The following LHFPL6 variants were observed in gnomAD, a reference collection of about 807,000 sequenced individuals.
LHFPL6 encodes LHFPL tetraspan subfamily member 6, also known as LHFPL tetraspan subfamily member 6 protein.
Under a neutral mutation model 20.6 loss-of-function variants are expected in LHFPL6, and 9 were observed. The observed-to-expected ratio is 0.44, with a 90% CI of 0.26 to 0.76. The LOEUF is 0.76. Ranked by LOEUF, LHFPL6 falls within the 30% of genes least tolerant of loss-of-function variation. The pLI, the probability that LHFPL6 is intolerant of heterozygous loss-of-function variation, is 0.20. For synonymous variants in LHFPL6, 105 were observed against 98.7 expected (o/e 1.06, Z -0.38); for missense variants, 218 against 253.5 (o/e 0.86, Z 0.95).
chr13:39,356,842 T>C (rs560613847), intron 3 of LHFPL6, among the ~76,000 whole-genome samples: 1 of 152,302 alleles, frequency 6.6e-6, no homozygotes, highest in South Asian at 2.1e-4. Flanking sequence ...AACAGACCAA[T>C]AATGAGTTCT....
chr13:39,540,161 G>T (rs1291143168), intron 2 of LHFPL6, among the ~76,000 whole-genome samples: 1 of 152,000 alleles, frequency 6.6e-6, no homozygotes, highest in Non-Finnish European at 1.5e-5. Context: ...AAGTTTCAAG[G>T]TCATAAAAGC....
chr13:39,361,111 G>A (rs1869857557), intron 3 of LHFPL6, among the ~76,000 whole-genome samples: 1 of 96,506 alleles, frequency 1.0e-5, no homozygotes, highest in Admixed American at 1.2e-4. Context: ...ACCAGTAGCT[G>A]GACTTGACAC....
At chr13:39,466,805 T>C (rs973822973) in intron 2 of LHFPL6, among the ~76,000 whole-genome samples, 1 of 152,230 alleles carries the variant, frequency 6.6e-6, no homozygotes, top group African/African-American at 2.4e-5. Context: ...GCATTTACCA[T>C]AAAATGACAC....
chr13:39,588,041 C>T (rs1013023321), intron 2 of LHFPL6, among the ~76,000 whole-genome samples: 2 of 152,170 alleles, frequency 1.3e-5, no homozygotes, highest in African/African-American at 2.4e-5. Context: ...TTCCAGGAAA[C>T]GTAGTCCTTG....
chr13:39,493,022 C>T (rs1868980170), intron 2 of LHFPL6, among the ~76,000 whole-genome samples: 1 of 151,946 alleles, frequency 6.6e-6, no homozygotes, highest in Non-Finnish European at 1.5e-5. Flanking sequence ...TATAATGTTC[C>T]ATCATGTGAA....
intron 2 of LHFPL6, among the ~76,000 whole-genome samples, chr13:39,526,804 C>T (rs750669411): frequency 2.6e-5 from 4 of 152,182 alleles, no homozygotes; most frequent in Admixed American, 6.5e-5. Flanking sequence ...TCTGTAATTT[C>T]GAAGGCTTTA....
intron 2 of LHFPL6, among the ~76,000 whole-genome samples, chr13:39,453,172 T>A (rs1038589884): frequency 6.6e-6 from 1 of 152,202 alleles, no homozygotes; most frequent in Non-Finnish European, 1.5e-5. Flanking sequence ...TTGCCCCTAA[T>A]AGAATACATT....
intron 2 of LHFPL6, among the ~76,000 whole-genome samples, chr13:39,412,187 C>T (rs1871252885): frequency 2.0e-5 from 3 of 152,190 alleles, no homozygotes; most frequent in Admixed American, 2.0e-4. Context: ...AATCAGGAGA[C>T]TATCGATACT....
chr13:39,601,794 T>C (rs1872957659), intron 1 of LHFPL6, among the ~76,000 whole-genome samples: 1 of 152,228 alleles, frequency 6.6e-6, no homozygotes, highest in African/African-American at 2.4e-5. Flanking sequence ...TGCTCATAGT[T>C]TGTTGCAACT....
At chr13:39,466,213 T>C (rs1296043695) in intron 2 of LHFPL6, among the ~76,000 whole-genome samples, 1 of 152,164 alleles carries the variant, frequency 6.6e-6, no homozygotes, top group Non-Finnish European at 1.5e-5. Flanking sequence ...GTTTGTTTGT[T>C]TGATTGATTT....
At chr13:39,578,180 C>T (rs2138536815) in intron 2 of LHFPL6, among the ~76,000 whole-genome samples, 1 of 152,204 alleles carries the variant, frequency 6.6e-6, no homozygotes, top group Admixed American at 6.5e-5. Flanking sequence ...AGGAAAAGAG[C>T]AACCAAGTTA....
chr13:39,434,005 T>C (rs1871885798), intron 2 of LHFPL6, among the ~76,000 whole-genome samples: 1 of 152,194 alleles, frequency 6.6e-6, no homozygotes, highest in Non-Finnish European at 1.5e-5. Flanking sequence ...TTGATGACTC[T>C]TACAGACTCT....
At chr13:39,362,903 G>T (rs1869914986) in intron 3 of LHFPL6, among the ~76,000 whole-genome samples, 1 of 152,222 alleles carries the variant, frequency 6.6e-6, no homozygotes, top group Admixed American at 6.5e-5. Context: ...AGTGGGGAAG[G>T]AACAGAGTGT....
intron 2 of LHFPL6, among the ~76,000 whole-genome samples, chr13:39,578,607 A>G (rs1008926969): frequency 1.3e-5 from 2 of 152,140 alleles, no homozygotes; most frequent in African/African-American, 4.8e-5. Context: ...ATGAACCCCA[A>G]ATCAGTATCT....
intron 2 of LHFPL6, among the ~76,000 whole-genome samples, chr13:39,519,052 A>G (rs1870020016): frequency 6.6e-6 from 1 of 152,194 alleles, no homozygotes; most frequent in Non-Finnish European, 1.5e-5. Flanking sequence ...CCTGGCCAGC[A>G]TGGCAAAACC....
chr13:39,416,754 T>C (rs1300240472), intron 2 of LHFPL6, among the ~76,000 whole-genome samples: 1 of 152,224 alleles, frequency 6.6e-6, no homozygotes, highest in Non-Finnish European at 1.5e-5. Context: ...TAAACATTTA[T>C]AATTCTGATG....
chr13:39,550,437 G>A (rs73466860), intron 2 of LHFPL6, among the ~76,000 whole-genome samples: 2,630 of 152,136 alleles, frequency 0.017, 86 homozygotes, highest in African/African-American at 0.061. Context: ...TTAAATATCT[G>A]TATACACATT....
chr13:39,550,743 A>T (rs1012161087), intron 2 of LHFPL6, among the ~76,000 whole-genome samples: 2 of 152,176 alleles, frequency 1.3e-5, no homozygotes, highest in Admixed American at 1.3e-4. Flanking sequence ...TTCAGTTTAC[A>T]TACGCTTATT....
chr13:39,354,922 C>T (rs1237192941), intron 3 of LHFPL6, among the ~76,000 whole-genome samples: 2 of 151,604 alleles, frequency 1.3e-5, no homozygotes, highest in Non-Finnish European at 2.9e-5. Context: ...GAGGCCACAC[C>T]TACGACTCAC....
Sources: allele counts gnomAD v4.1 joint callset (sites outside exome capture counted in the v4.1 genomes callset), GRCh38; gene constraint gnomAD v4.1.1; transcripts MANE v1.5; gene names NCBI Gene and HGNC (gene_info 2026-07-23, HGNC 2026-07-21).